The following SEMA3A variants were observed in gnomAD, a reference collection of about 807,000 sequenced individuals.
SEMA3A encodes semaphorin 3A.
In SEMA3A, 29 loss-of-function variants were observed where a neutral mutation model predicts 97.9. The ratio of observed to expected loss-of-function variants is 0.30; its 90% confidence interval spans 0.22 to 0.40. The LOEUF (loss-of-function observed/expected upper bound fraction) is 0.40, where lower values mean the gene tolerates loss of function less well. Ranked by LOEUF, SEMA3A falls within the 10% of genes least tolerant of loss-of-function variation. The probability of loss-of-function intolerance (pLI) is 1.00; values close to 1 mark genes in which losing one functional copy is unlikely to be tolerated. For missense variants in SEMA3A, 763 were observed against 951.3 expected, an observed-to-expected ratio of 0.80 and a Z score of 2.60; for synonymous variants, 321 against 323.7, an observed-to-expected ratio of 0.99 and a Z score of 0.09.
At chr7:83,976,828 T>G (rs1268096828) in intron 15 of SEMA3A, among the ~76,000 whole-genome samples, 5 of 152,148 alleles carry the variant, frequency 3.3e-5, no homozygotes, top group African/African-American at 1.2e-4. Flanking sequence ...AGGTTGCTAC[T>G]ATATACAAAA....
chr7:84,236,280 G>A (rs553605134), intron 3 of SEMA3A, among the ~76,000 whole-genome samples: 1 of 151,958 alleles, frequency 6.6e-6, no homozygotes, highest in East Asian at 1.9e-4. Flanking sequence ...GTCAGTGGGC[G>A]AATGAAGTAA....
At chr7:84,220,695 T>C (rs1475777886) in intron 3 of SEMA3A, among the ~76,000 whole-genome samples, 1 of 152,124 alleles carries the variant, frequency 6.6e-6, no homozygotes, top group Admixed American at 6.6e-5. Flanking sequence ...TGAGCAATAA[T>C]ATGCTGAAAG....
chr7:84,313,630 T>A (rs546873099), intron 2 of SEMA3A, among the ~76,000 whole-genome samples: 34 of 151,688 alleles, frequency 2.2e-4, no homozygotes, highest in African/African-American at 8.0e-4. Context: ...GTATTTGTCA[T>A]TACTTTTTGA....
At chr7:84,399,730 T>A in intron 1 of SEMA3A, among the ~76,000 whole-genome samples, 1 of 152,170 alleles carries the variant, frequency 6.6e-6, no homozygotes, top group Non-Finnish European at 1.5e-5. Flanking sequence ...CACCACTAGG[T>A]GCTGGTTAAA....
chr7:84,128,453 A>C (rs2116016419), intron 3 of SEMA3A, among the ~76,000 whole-genome samples: 1 of 152,302 alleles, frequency 6.6e-6, no homozygotes, highest in Middle Eastern at 3.4e-3. Flanking sequence ...TGTGGAAAGA[A>C]GTTGACTTAT....
At chr7:84,456,710 A>C (rs1335335103) in intron 1 of SEMA3A, among the ~76,000 whole-genome samples, 2 of 151,872 alleles carry the variant, frequency 1.3e-5, no homozygotes, top group Non-Finnish European at 3.0e-5. Context: ...ATTTTTAAAA[A>C]TAAAGAACCA....
chr7:84,419,389 T>A (rs1438232636), intron 1 of SEMA3A, among the ~76,000 whole-genome samples: 1 of 152,090 alleles, frequency 6.6e-6, no homozygotes, highest in Non-Finnish European at 1.5e-5. Flanking sequence ...CTCCATTGTA[T>A]ACATAAGGGA....
chr7:84,412,145 A>T (rs1194151530), intron 1 of SEMA3A, among the ~76,000 whole-genome samples: 1 of 152,144 alleles, frequency 6.6e-6, no homozygotes, highest in Non-Finnish European at 1.5e-5. Flanking sequence ...TGGTTTGAAA[A>T]GCCTATTGAT....
chr7:84,420,026 A>C (rs888719583), intron 1 of SEMA3A, among the ~76,000 whole-genome samples: 13 of 152,140 alleles, frequency 8.5e-5, no homozygotes, highest in African/African-American at 3.1e-4. Flanking sequence ...TCTTTGCAAA[A>C]ATAAGAAAAG....
At chr7:84,250,499 A>C (rs1799582568) in intron 3 of SEMA3A, among the ~76,000 whole-genome samples, 1 of 152,032 alleles carries the variant, frequency 6.6e-6, no homozygotes, top group East Asian at 1.9e-4. Context: ...GTTTGTGTTC[A>C]TTGATTGATA....
At chr7:84,456,721 T>A (rs1387889925) in intron 1 of SEMA3A, among the ~76,000 whole-genome samples, 1 of 151,816 alleles carries the variant, frequency 6.6e-6, no homozygotes, top group Admixed American at 6.6e-5. Context: ...TAAAGAACCA[T>A]GTTATATTTG....
chr7:83,960,795 A>AT lies in SEMA3A; in HGVS notation c.*575dup, dbSNP rs1788434112. The AT allele has an allele frequency of 6.6e-6, 1 of 151,102 alleles. No individual in the cohort carries two copies. The highest frequency in any genetic ancestry group is 2.5e-5 in the African/African-American group (1 of 40,390). 9.4% of individuals were successfully genotyped at this position (151,102 alleles called of 1,614,324 possible). A position where few individuals can be genotyped will look rare whatever the true frequency, so the allele number is the denominator to read the frequency against. On this transcript the variant is annotated 3_prime_UTR_variant, in exon 17 of 17. Coordinates refer to ENST00000265362, the MANE Select transcript of SEMA3A (RefSeq NM_006080.3). The stretch of plus-strand genomic sequence containing the variant: ...CATCAGTAGTAGATCAGTGTATTCC[A>AT]TTTTTCTTCTGGATGATGGATGGCT...
At chr7:84,424,394 A>G (rs1169767212) in intron 1 of SEMA3A, among the ~76,000 whole-genome samples, 3 of 135,654 alleles carry the variant, frequency 2.2e-5, no homozygotes, top group Non-Finnish European at 4.6e-5. Flanking sequence ...AATATAATAC[A>G]ATATGAAATA....
At chr7:84,415,030 T>G (rs2116261352) in intron 1 of SEMA3A, among the ~76,000 whole-genome samples, 1 of 152,198 alleles carries the variant, frequency 6.6e-6, no homozygotes, top group South Asian at 2.1e-4. Flanking sequence ...AGTAAGATAT[T>G]AACCAATCCA....
At chr7:84,312,411 A>G (rs182212655) in intron 2 of SEMA3A, among the ~76,000 whole-genome samples, 17 of 151,900 alleles carry the variant, frequency 1.1e-4, no homozygotes, top group African/African-American at 3.9e-4. Context: ...ATCCCTGAAG[A>G]CTTTTAAAAA....
At chr7:84,180,442 C>T (rs1797707500) in intron 1 of SEMA3A, among the ~76,000 whole-genome samples, 1 of 151,902 alleles carries the variant, frequency 6.6e-6, no homozygotes, top group Non-Finnish European at 1.5e-5. Flanking sequence ...AATCCCAGCA[C>T]TTTGGGAGGC....
chr7:84,152,252 T>C (rs1453845481), intron 1 of SEMA3A, among the ~76,000 whole-genome samples: 4 of 148,502 alleles, frequency 2.7e-5, no homozygotes, highest in Non-Finnish European at 4.5e-5. Flanking sequence ...CGTATGTTTA[T>C]TGCGGCATTA....
chr7:84,220,745 T>C (rs1309948471), intron 3 of SEMA3A, among the ~76,000 whole-genome samples: 16 of 152,250 alleles, frequency 1.1e-4, no homozygotes, highest in Non-Finnish European at 1.2e-4. Context: ...AACAAAGAGC[T>C]TAAAATATTC....
chr7:83,956,164 C>G lies in SEMA3A; in HGVS notation c.*5207G>C, dbSNP rs2116224773. 6.6e-6 allele frequency: 1 copy of G among 152,290 alleles called. No individual in the cohort carries two copies. The highest frequency in any genetic ancestry group is 2.1e-4 in the South Asian group (1 of 4,826). 9.4% of individuals were successfully genotyped at this position (152,290 alleles called of 1,614,324 possible). On this transcript the variant is annotated 3_prime_UTR_variant, in exon 17 of 17. Transcript: ENST00000265362. ...ATTGCTTGGCCATGAATTACTCCAT[C>G]TAAGGTATGCCTTGAACAAATGCAG...
Sources: allele counts gnomAD v4.1 joint callset (sites outside exome capture counted in the v4.1 genomes callset), GRCh38; gene constraint gnomAD v4.1.1; transcripts MANE v1.5; gene names NCBI Gene and HGNC (gene_info 2026-07-23, HGNC 2026-07-21).